Variants in GRIA1 observed in about 807,000 individuals in gnomAD.
GRIA1 encodes the protein glutamate receptor 1.
Under a neutral mutation model 99.2 loss-of-function variants are expected in GRIA1, and 31 were observed. That is an observed-to-expected ratio of 0.31 (90% confidence interval 0.23 to 0.42). GRIA1 has a LOEUF of 0.42. Ranked by LOEUF, GRIA1 falls within the 10% of genes least tolerant of loss-of-function variation. The probability of loss-of-function intolerance (pLI) is 1.00; values close to 1 mark genes in which losing one functional copy is unlikely to be tolerated. For missense variants in GRIA1, 782 were observed against 1,157.5 expected (o/e 0.68, Z 4.71); for synonymous variants, 438 against 432.4 (o/e 1.01, Z -0.16).
At chr5:153,762,150 C>CA (rs759100940) in intron 11 of GRIA1, among the ~76,000 whole-genome samples, 84 of 152,132 alleles carry the variant, frequency 5.5e-4, no homozygotes, top group Non-Finnish European at 9.6e-4. Flanking sequence ...CAAAATAGCT[C>CA]AAAGATAATA....
intron 6 of GRIA1, among the ~76,000 whole-genome samples, 191 bp downstream of exon 6, chr5:153,674,852 G>C (rs1051254884): frequency 3.3e-5 from 5 of 152,154 alleles, no homozygotes; most frequent in African/African-American, 1.2e-4. Flanking sequence ...GTTTTAAGGA[G>C]GGAGACATTT....
intron 2 of GRIA1, among the ~76,000 whole-genome samples, chr5:153,633,449 C>T (rs1411092372): frequency 2.0e-5 from 3 of 152,048 alleles, no homozygotes; most frequent in South Asian, 2.1e-4. Flanking sequence ...CTTTGAAAAG[C>T]GATTCAAACG....
In GRIA1 at chr5:153,570,045, A is replaced by C. The variant is rs373789782; in HGVS notation, c.220+75980A>C. ...TAGACAACATTAGGATTTAAACCAG[A>C]TGGTCTTTTCCTGTTGTTCACACTC... On this transcript the variant is annotated intron_variant, in intron 2 of 15. Transcript: ENST00000285900. Among the ~76,000 whole-genome samples, 67 of 152,264 alleles carry C rather than the reference A, an allele frequency of 4.4e-4. 1 individual carries two copies. The South Asian group carries it at 0.013, about 30-fold the overall frequency.
At chr5:153,589,443 T>G (rs755399791) in intron 2 of GRIA1, among the ~76,000 whole-genome samples, 5 of 152,142 alleles carry the variant, frequency 3.3e-5, no homozygotes, top group Non-Finnish European at 7.4e-5. Context: ...AACAAATTTG[T>G]TCCCACACTT....
chr5:153,730,658 G>A (rs1415943103), intron 11 of GRIA1, among the ~76,000 whole-genome samples: 1 of 152,098 alleles, frequency 6.6e-6, no homozygotes, highest in Non-Finnish European at 1.5e-5. Flanking sequence ...TAAAAGAATG[G>A]TGGACTGAAA....
intron 2 of GRIA1, among the ~76,000 whole-genome samples, chr5:153,559,337 G>A (rs72800782): frequency 1.1e-3 from 163 of 152,264 alleles, no homozygotes; most frequent in Non-Finnish European, 1.7e-3. Flanking sequence ...ATGCCAGGGA[G>A]GGTGTTTATC....
intron 15 of GRIA1, among the ~76,000 whole-genome samples, chr5:153,810,713 A>T (rs892895181): frequency 6.6e-6 from 1 of 152,198 alleles, no homozygotes; most frequent in South Asian, 2.1e-4. Flanking sequence ...TCACACATTA[A>T]TCAATAATAC....
At chr5:153,783,164 C>G (rs960250122) in intron 13 of GRIA1, among the ~76,000 whole-genome samples, 2 of 152,176 alleles carry the variant, frequency 1.3e-5, no homozygotes, top group Non-Finnish European at 2.9e-5. Context: ...GCTGGCCTCC[C>G]CTGCATCCTG....
chr5:153,606,663 A>G (rs1341755537), intron 2 of GRIA1, among the ~76,000 whole-genome samples: 1 of 152,004 alleles, frequency 6.6e-6, no homozygotes, highest in East Asian at 1.9e-4. Context: ...AAGTGTTCTT[A>G]AAATATTATG....
Position 153,731,838 on chromosome 5 carries a change from G to A in GRIA1, c.1823+25771G>A, listed in dbSNP as rs193199721. 1.4e-4 allele frequency among the ~76,000 whole-genome samples: 22 copies of A among 152,142 alleles called. No homozygotes were observed. In the East Asian group the frequency reaches 4.2e-3, roughly 29 times the overall value. On this transcript the variant is annotated intron_variant, in intron 11 of 15. Coordinates refer to ENST00000285900, the MANE Select transcript of GRIA1 (RefSeq NM_000827.4). ...ACTATAGTTTCTAAGCTGCACCTTA[G>A]GTATCCGGAACTTATTATTCGTTTT...
At chr5:153,657,341 C>T (rs898326392) in intron 5 of GRIA1, among the ~76,000 whole-genome samples, 1 of 152,156 alleles carries the variant, frequency 6.6e-6, no homozygotes, top group East Asian at 1.9e-4. Flanking sequence ...TGAATGATGG[C>T]AAGTGTCTCT....
chr5:153,614,565 T>C (rs563181295), intron 2 of GRIA1, among the ~76,000 whole-genome samples: 4 of 152,336 alleles, frequency 2.6e-5, no homozygotes, highest in African/African-American at 9.6e-5. Context: ...AGTTTGTTTG[T>C]AACCCAGGCA....
At chr5:153,688,136 C>G (rs1757468824) in intron 8 of GRIA1, among the ~76,000 whole-genome samples, 1 of 152,208 alleles carries the variant, frequency 6.6e-6, no homozygotes, top group African/African-American at 2.4e-5. Context: ...TCGCTAACCA[C>G]AGCCTTCCAG....
chr5:153,668,877 A>C (rs1373826736), intron 5 of GRIA1, among the ~76,000 whole-genome samples: 1 of 152,226 alleles, frequency 6.6e-6, no homozygotes, highest in Non-Finnish European at 1.5e-5. Context: ...CCACAGTCTG[A>C]GGTTCATTGT....
chr5:153,529,470 A>G (rs1757902689), intron 2 of GRIA1, among the ~76,000 whole-genome samples: 1 of 152,220 alleles, frequency 6.6e-6, no homozygotes, highest in South Asian at 2.1e-4. Context: ...TACTTGGTCA[A>G]AAGGTGAGTT....
chr5:153,725,141 C>T (rs1037673544), intron 11 of GRIA1, among the ~76,000 whole-genome samples: 1 of 151,874 alleles, frequency 6.6e-6, no homozygotes, highest in African/African-American at 2.4e-5. Flanking sequence ...CATATCCAGC[C>T]AAACTAAGCT....
intron 2 of GRIA1, among the ~76,000 whole-genome samples, chr5:153,604,291 A>G (rs752139911): frequency 1.1e-4 from 17 of 152,192 alleles, no homozygotes; most frequent in Admixed American, 2.0e-4. Flanking sequence ...GTAACTTCCT[A>G]ATCAAACACG....
At chr5:153,659,556 T>C (rs1372000854) in intron 5 of GRIA1, among the ~76,000 whole-genome samples, 1 of 152,200 alleles carries the variant, frequency 6.6e-6, no homozygotes, top group Non-Finnish European at 1.5e-5. Flanking sequence ...CTTATCTTTG[T>C]GACTCACCAG....
chr5:153,813,120 A>T lies in GRIA1; in HGVS notation c.*1895A>T, dbSNP rs1766936743. 6.6e-6 allele frequency: 1 copy of T among 151,946 alleles called. No homozygotes were observed. The highest frequency in any genetic ancestry group is 2.4e-5 in the African/African-American group (1 of 41,340). 9.4% of individuals were successfully genotyped at this position (151,946 alleles called of 1,614,324 possible). On this transcript the variant is annotated 3_prime_UTR_variant, in exon 16 of 16. Coordinates refer to ENST00000285900, the MANE Select transcript of GRIA1 (RefSeq NM_000827.4). ...CAAAATCAAACTCTTCACTTTTTTG[A>T]CTCAAGTGTTGTTGTTCAGTCTCTC...
Sources: gnomAD v4.1 joint callset for allele counts (sites outside exome capture counted in the v4.1 genomes callset) on GRCh38, gnomAD v4.1.1 for gene constraint, MANE v1.5 for transcripts, NCBI Gene and HGNC (gene_info 2026-07-23, HGNC 2026-07-21) for gene names.